The following CLSTN2 variants were observed in gnomAD, a reference collection of about 807,000 sequenced individuals.
CLSTN2 encodes calsyntenin 2, also known as calsyntenin-2.
In CLSTN2, 48 loss-of-function variants were observed where a neutral mutation model predicts 101.2. The ratio of observed to expected loss-of-function variants is 0.47; its 90% CI spans 0.38 to 0.60. CLSTN2 has a LOEUF of 0.60. Ranked by LOEUF, CLSTN2 falls within the 20% of genes least tolerant of loss-of-function variation. The probability of loss-of-function intolerance (pLI) is 0.00; values close to 1 mark genes in which losing one functional copy is unlikely to be tolerated. For missense variants in CLSTN2, 1,160 were observed against 1,238.2 expected (o/e 0.94, Z 0.95); for synonymous variants, 481 against 463.6 (o/e 1.04, Z -0.48).
chr3:140,433,130 C>G (rs1383133536), intron 5 of CLSTN2, among the ~76,000 whole-genome samples: 1 of 152,104 alleles, frequency 6.6e-6, no homozygotes, highest in Non-Finnish European at 1.5e-5. Flanking sequence ...TGGAGGAAAG[C>G]TATTTGGGGG....
At chr3:140,311,179 T>C (rs1479872) in intron 2 of CLSTN2, among the ~76,000 whole-genome samples, 88,054 of 151,634 alleles carry the variant, frequency 0.58, 26,015 homozygotes, top group Non-Finnish European at 0.64. Context: ...AGATTTGCAT[T>C]GCCCAGGATT....
intron 1 of CLSTN2, among the ~76,000 whole-genome samples, chr3:140,072,356 A>G (rs116251774): frequency 1.4e-3 from 219 of 152,328 alleles, no homozygotes; most frequent in African/African-American, 5.1e-3. Flanking sequence ...TTTCTCTAAT[A>G]TGTGCAACTA....
At chr3:140,416,601 C>G (rs1191381782) in intron 4 of CLSTN2, among the ~76,000 whole-genome samples, 1 of 152,216 alleles carries the variant, frequency 6.6e-6, no homozygotes, top group Non-Finnish European at 1.5e-5. Context: ...ATGTGTGTGT[C>G]TGTGTGGTCT....
chr3:140,207,551 C>T (rs531045722), intron 2 of CLSTN2, among the ~76,000 whole-genome samples: 277 of 152,208 alleles, frequency 1.8e-3, no homozygotes, highest in African/African-American at 5.9e-3. Flanking sequence ...TGTGAACATG[C>T]TTCACAAATT....
At chr3:140,201,577 AT>A (rs1186950926) in intron 2 of CLSTN2, among the ~76,000 whole-genome samples, 1 of 152,212 alleles carries the variant, frequency 6.6e-6, no homozygotes, top group Admixed American at 6.5e-5. Context: ...CTAACTCTCA[AT>A]GTTCTACAAC....
intron 6 of CLSTN2, 30 bp from the exon 7 acceptor site, chr3:140,459,491 T>G: frequency 6.2e-6 from 10 of 1,611,578 alleles, no homozygotes; most frequent in Non-Finnish European, 8.5e-6. Context: ...CATCATGACC[T>G]GTTATCCTTT....
intron 1 of CLSTN2, among the ~76,000 whole-genome samples, chr3:140,116,360 A>G (rs2107797048): frequency 6.6e-6 from 1 of 152,364 alleles, no homozygotes; most frequent in South Asian, 2.1e-4. Flanking sequence ...AATTCTAGCT[A>G]GACACCGTTG....
chr3:140,126,437 A>G (rs1274607751), intron 1 of CLSTN2, among the ~76,000 whole-genome samples: 2 of 151,858 alleles, frequency 1.3e-5, no homozygotes, highest in Non-Finnish European at 2.9e-5. Flanking sequence ...GTTAGCCTCT[A>G]CTCCTAGAAG....
chr3:140,262,794 G>A (rs1336991345), intron 2 of CLSTN2, among the ~76,000 whole-genome samples: 1 of 152,144 alleles, frequency 6.6e-6, no homozygotes, highest in Non-Finnish European at 1.5e-5. Flanking sequence ...AGCCCAGGAT[G>A]TAGGACAGAT....
At chr3:140,304,185 G>A (rs984346470) in intron 2 of CLSTN2, among the ~76,000 whole-genome samples, 1 of 152,122 alleles carries the variant, frequency 6.6e-6, no homozygotes, top group Non-Finnish European at 1.5e-5. Context: ...GATAACTGTG[G>A]CTAACCTAAA....
chr3:140,228,551 G>T (rs1399208662), intron 2 of CLSTN2, among the ~76,000 whole-genome samples: 1 of 152,114 alleles, frequency 6.6e-6, no homozygotes, highest in East Asian at 1.9e-4. Flanking sequence ...GCACATTTTT[G>T]GGTATCTTTT....
intron 1 of CLSTN2, among the ~76,000 whole-genome samples, chr3:140,014,216 T>C (rs1192868321): frequency 6.6e-6 from 1 of 152,004 alleles, no homozygotes; most frequent in Non-Finnish European, 1.5e-5. Context: ...TTTTGTTTTA[T>C]TTTATTTTAT....
At chr3:140,228,500 C>G (rs943684515) in intron 2 of CLSTN2, among the ~76,000 whole-genome samples, 1 of 152,218 alleles carries the variant, frequency 6.6e-6, no homozygotes, top group African/African-American at 2.4e-5. Flanking sequence ...GCCCTGAAAA[C>G]TGTTTCAACC....
At chr3:140,001,493 T>C (rs1453871847) in intron 1 of CLSTN2, among the ~76,000 whole-genome samples, 1 of 152,082 alleles carries the variant, frequency 6.6e-6, no homozygotes, top group African/African-American at 2.4e-5. Context: ...CTTTTGTGAG[T>C]ACATAGTAGG....
intron 1 of CLSTN2, among the ~76,000 whole-genome samples, chr3:140,062,630 G>A (rs2008226633): frequency 6.6e-6 from 1 of 152,180 alleles, no homozygotes; most frequent in Non-Finnish European, 1.5e-5. Context: ...GCCCTGCCCT[G>A]GCTGAGCCAA....
intron 1 of CLSTN2, among the ~76,000 whole-genome samples, chr3:140,009,700 A>G (rs1034293590): frequency 6.6e-6 from 1 of 152,196 alleles, no homozygotes; most frequent in Non-Finnish European, 1.5e-5. Flanking sequence ...TTTTGTTGTT[A>G]TAAAAATTGC....
intron 1 of CLSTN2, among the ~76,000 whole-genome samples, chr3:140,003,272 T>C (rs2006886229): frequency 1.3e-5 from 2 of 152,172 alleles, no homozygotes; most frequent in Non-Finnish European, 2.9e-5. Context: ...CTTTTACTTC[T>C]TAAGTTAATT....
intron 1 of CLSTN2, among the ~76,000 whole-genome samples, chr3:140,074,632 T>C (rs2008455585): frequency 6.6e-6 from 1 of 152,184 alleles, no homozygotes; most frequent in African/African-American, 2.4e-5. Context: ...AAGGGAGAGA[T>C]GCTATCATTA....
chr3:140,488,042 G>A (rs549467089), intron 8 of CLSTN2, among the ~76,000 whole-genome samples: 10 of 152,154 alleles, frequency 6.6e-5, no homozygotes, highest in East Asian at 1.9e-4. Flanking sequence ...ATGCACATTC[G>A]GGTTTATTAC....
Sources: allele counts gnomAD v4.1 joint callset (sites outside exome capture counted in the v4.1 genomes callset), GRCh38; gene constraint gnomAD v4.1.1; transcripts MANE v1.5; gene names NCBI Gene and HGNC (gene_info 2026-07-23, HGNC 2026-07-21).